Variants in BCAT1 observed in about 807,000 individuals in gnomAD.
The protein encoded by BCAT1 is branched chain amino acid transaminase 1.
BCAT1 carries 48 observed loss-of-function variants against 52.4 expected under a neutral mutation model. The ratio of observed to expected loss-of-function variants is 0.92; its 90% CI spans 0.73 to 1.16. BCAT1 has a LOEUF of 1.16. Ranked by LOEUF, BCAT1 falls within the 50% of genes most tolerant of loss-of-function variation. The probability of loss-of-function intolerance (pLI) is 0.00; values close to 1 mark genes in which losing one functional copy is unlikely to be tolerated. For missense variants in BCAT1, 451 were observed against 457.1 expected (o/e 0.99, Z 0.12); for synonymous variants, 167 against 161.3 (o/e 1.04, Z -0.27).
At chr12:24,857,267 C>T (rs1941716833) in intron 5 of BCAT1, among the ~76,000 whole-genome samples, 1 of 152,148 alleles carries the variant, frequency 6.6e-6, no homozygotes, top group African/African-American at 2.4e-5. Flanking sequence ...TTTGGAGGTT[C>T]CAGATCTTGT....
At chr12:24,945,409 C>T (rs1401400417) in intron 1 of BCAT1, 2 of 152,106 alleles carry the variant, frequency 1.3e-5, no homozygotes, top group Non-Finnish European at 2.9e-5. Flanking sequence ...CAGGAAAGGC[C>T]AACAGTAGGA....
chr12:24,899,542 A>G, intron 2 of BCAT1, among the ~76,000 whole-genome samples: 1 of 152,172 alleles, frequency 6.6e-6, no homozygotes, highest in Admixed American at 6.5e-5. Flanking sequence ...GGTATTTTCC[A>G]AAGGAAAGGA....
Position 24,836,522 on chromosome 12 carries a change from C to T in BCAT1, c.892G>A (p.Ala298Thr), listed in dbSNP as rs761486552. ...GVTRRCILDLAHQWGEFKVSE... is the reference protein window; with the variant it reads ...GVTRRCILDLTHQWGEFKVSE... ...TCAAAGGCACCCACCCACTGATGTG[C>T]CAGGTCCAGAATGCACCGCCTTGTC... Residue 298 changes from alanine to threonine, a missense_variant, in exon 8 of 11, where the codon GCA becomes ACA. Coordinates refer to ENST00000261192, the MANE Select transcript of BCAT1 (RefSeq NM_005504.7). 2 of 1,612,218 alleles carry T rather than the reference C, an allele frequency of 1.2e-6. No homozygotes were observed. Among genetic ancestry groups the T allele is most frequent in the Non-Finnish European group, 1.7e-6 (2 of 1,179,198 alleles).
intron 10 of BCAT1, among the ~76,000 whole-genome samples, chr12:24,827,894 T>G (rs1465965527): frequency 6.6e-6 from 1 of 151,160 alleles, no homozygotes; most frequent in African/African-American, 2.4e-5. Flanking sequence ...CCTTTTAAAC[T>G]CTCTTTTAAA....
intron 2 of BCAT1, among the ~76,000 whole-genome samples, chr12:24,901,126 A>G (rs1055058200): frequency 2.0e-5 from 3 of 152,144 alleles, no homozygotes; most frequent in African/African-American, 7.2e-5. Flanking sequence ...TGTGTGAGAA[A>G]CTGATGAGTC....
intron 9 of BCAT1, among the ~76,000 whole-genome samples, chr12:24,831,576 G>A (rs1940668521): frequency 6.6e-6 from 1 of 152,194 alleles, no homozygotes; most frequent in East Asian, 1.9e-4. Context: ...TTGAGCTTGG[G>A]AGGCGGAGGT....
At chr12:24,892,057 GTTTTT>G (rs938963775) in intron 3 of BCAT1, among the ~76,000 whole-genome samples, 1 of 128,752 alleles carries the variant, frequency 7.8e-6, no homozygotes, top group Non-Finnish European at 1.7e-5. Flanking sequence ...TCGCCTGGCC[GTTTTT>G]TGTTTTGTTT....
At chr12:24,926,851 A>G (rs1943596563) in intron 1 of BCAT1, among the ~76,000 whole-genome samples, 1 of 151,896 alleles carries the variant, frequency 6.6e-6, no homozygotes, top group Non-Finnish European at 1.5e-5. Context: ...GCCTAGGAAA[A>G]CCAGAGACCT....
intron 10 of BCAT1, among the ~76,000 whole-genome samples, chr12:24,828,433 C>T (rs756849951): frequency 3.3e-5 from 5 of 151,866 alleles, no homozygotes; most frequent in African/African-American, 7.3e-5. Context: ...AAAAAATAGA[C>T]GTGTATACTC....
chr12:24,887,512 T>G lies in BCAT1; in HGVS notation c.280-6101A>C, dbSNP rs566772794. On this transcript the variant is annotated intron_variant, in intron 3 of 10. Coordinates refer to ENST00000261192, the MANE Select transcript of BCAT1 (RefSeq NM_005504.7). ...ACTATAGTGTTAAGAATCTACACACTCCATAAAGGAAAGCAAAGAAAGGTT... is the reference window on the plus strand; with the variant it reads ...ACTATAGTGTTAAGAATCTACACACGCCATAAAGGAAAGCAAAGAAAGGTT... Among the ~76,000 whole-genome samples the G allele has an allele frequency of 3.3e-5, 5 of 152,240 alleles. No individual in the cohort carries two copies. The East Asian group carries it at 9.6e-4, about 29-fold the overall frequency.
chr12:24,832,918 C>T (rs1940747574), intron 8 of BCAT1, 55 bp from the exon 9 acceptor site: 1 of 1,493,962 alleles, frequency 6.7e-7, no homozygotes, highest in Non-Finnish European at 9.1e-7. Context: ...GCATGCAAAA[C>T]AATTGCAATA....
intron 2 of BCAT1, among the ~76,000 whole-genome samples, chr12:24,895,477 G>T (rs1259571229): frequency 1.3e-5 from 2 of 150,128 alleles, no homozygotes; most frequent in African/African-American, 4.9e-5. Flanking sequence ...AGAGAGTCAA[G>T]ATCGCACCAC....
chr12:24,896,593 C>G (rs749251913), intron 2 of BCAT1, among the ~76,000 whole-genome samples: 1 of 152,076 alleles, frequency 6.6e-6, no homozygotes, highest in Non-Finnish European at 1.5e-5. Context: ...ACAGCACAAC[C>G]CTGTCTCTAC....
intron 5 of BCAT1, among the ~76,000 whole-genome samples, chr12:24,854,170 T>A (rs1941597615): frequency 6.6e-6 from 1 of 152,188 alleles, no homozygotes; most frequent in African/African-American, 2.4e-5. Flanking sequence ...GAAATTACTT[T>A]ATCAAAAGGC....
At chr12:24,839,108 T>C (rs879800604) in intron 7 of BCAT1, among the ~76,000 whole-genome samples, 4 of 152,192 alleles carry the variant, frequency 2.6e-5, no homozygotes, top group Non-Finnish European at 5.9e-5. Flanking sequence ...AGGTAAACAT[T>C]TATTGTGTTG....
intron 5 of BCAT1, among the ~76,000 whole-genome samples, chr12:24,864,471 G>C (rs1179234696): frequency 6.6e-6 from 1 of 152,198 alleles, no homozygotes; most frequent in African/African-American, 2.4e-5. Context: ...GTATGTGTGT[G>C]ACCGTGCAAG....
At chr12:24,934,107 G>A (rs901940258) in intron 1 of BCAT1, among the ~76,000 whole-genome samples, 2 of 152,148 alleles carry the variant, frequency 1.3e-5, no homozygotes, top group Non-Finnish European at 2.9e-5. Context: ...TTGTCTATGT[G>A]TGGGGCTGCT....
intron 1 of BCAT1, among the ~76,000 whole-genome samples, chr12:24,924,715 T>C (rs1943553992): frequency 6.6e-6 from 1 of 152,010 alleles, no homozygotes; most frequent in South Asian, 2.1e-4. Context: ...AACATAACTA[T>C]AAAGAGTAAT....
Position 24,836,916 on chromosome 12 carries a change from A to G in BCAT1, c.818-320T>C, listed in dbSNP as rs919859360. On this transcript the variant is annotated intron_variant, in intron 7 of 10. Coordinates refer to ENST00000261192, the MANE Select transcript of BCAT1 (RefSeq NM_005504.7). The stretch of plus-strand genomic sequence containing the variant: ...AAGAAAGAAAAGAAAGAGAGAAAGA[A>G]AGAAAGAAAGAAAGAAAGAAAGAAA... Among the ~76,000 whole-genome samples the G allele has an allele frequency of 2.0e-4, 9 of 45,506 alleles. 1 individual carries two copies. Among genetic ancestry groups the G allele is most frequent in the African/African-American group, 4.0e-4 (7 of 17,404 alleles). 29.9% of individuals were successfully genotyped at this position (45,506 alleles called of 152,430 possible). A position where few individuals can be genotyped will look rare whatever the true frequency, so the allele number is the denominator to read the frequency against.
Sources: gnomAD v4.1 joint callset for allele counts (sites outside exome capture counted in the v4.1 genomes callset) on GRCh38, gnomAD v4.1.1 for gene constraint, MANE v1.5 for transcripts, NCBI Gene and HGNC (gene_info 2026-07-23, HGNC 2026-07-21) for gene names.